Variants in ZC3H12B observed in about 807,000 individuals in gnomAD.
ZC3H12B encodes the protein zinc finger CCCH-type containing 12B.
A neutral mutation model predicts 43.9 loss-of-function variants in ZC3H12B; 7 were observed. The ratio of observed to expected loss-of-function variants is 0.16; its 90% CI spans 0.09 to 0.30. ZC3H12B has a LOEUF of 0.30. Among genes scored for constraint, ZC3H12B ranks in the 10% least tolerant of loss-of-function variants. ZC3H12B has a pLI of 1.00. For missense variants in ZC3H12B, 475 were observed against 670.2 expected, an observed-to-expected ratio of 0.71 and a Z score of 3.22; for synonymous variants, 222 against 241.7, an observed-to-expected ratio of 0.92 and a Z score of 0.76.
At chrX:65,298,494 G>A in the ZC3H12B span, among the ~76,000 whole-genome samples, 1 of 111,342 alleles carries the variant, frequency 9.0e-6, no homozygotes, top group Non-Finnish European at 1.9e-5. Flanking sequence ...AGGATACTAG[G>A]AAAAGACTAG....
intron 3 of ZC3H12B, among the ~76,000 whole-genome samples, chrX:65,444,222 C>T (rs1213463654): frequency 8.9e-6 from 1 of 112,027 alleles, no homozygotes; most frequent in African/African-American, 3.2e-5. Context: ...CATCTTATAA[C>T]CCATTATTTT....
At chrX:65,104,475 C>A in the ZC3H12B span, among the ~76,000 whole-genome samples, 1 of 111,720 alleles carries the variant, frequency 9.0e-6, no homozygotes, top group African/African-American at 3.3e-5. Flanking sequence ...AGTGACCAGA[C>A]AACCTACAGA....
At chrX:65,235,989 C>G in the ZC3H12B span, among the ~76,000 whole-genome samples, 1 of 111,959 alleles carries the variant, frequency 8.9e-6, no homozygotes, top group African/African-American at 3.2e-5. Flanking sequence ...GACCTGAAAG[C>G]ATGCAGTAGT....
chrX:65,297,715 C>T, the ZC3H12B span, among the ~76,000 whole-genome samples: 41 of 111,491 alleles, frequency 3.7e-4, no homozygotes, highest in Non-Finnish European at 6.6e-4. Context: ...AGGAACAAAT[C>T]TGGAGGCATC....
At chrX:65,162,209 T>C in the ZC3H12B span, among the ~76,000 whole-genome samples, 1 of 111,388 alleles carries the variant, frequency 9.0e-6, no homozygotes, top group Non-Finnish European at 1.9e-5. Flanking sequence ...ATTTTTTCCT[T>C]CATTTCATCT....
chrX:65,178,671 CA>C, the ZC3H12B span, among the ~76,000 whole-genome samples: 1 of 112,562 alleles, frequency 8.9e-6, no homozygotes, highest in African/African-American at 3.2e-5. Context: ...AGCTCACCAA[CA>C]CTAGTCATTA....
At chrX:65,134,305 C>T in the ZC3H12B span, among the ~76,000 whole-genome samples, 4 of 111,031 alleles carry the variant, frequency 3.6e-5, no homozygotes, top group African/African-American at 1.3e-4. Flanking sequence ...AGGCAGCTAT[C>T]CCCTCAGTGA....
the ZC3H12B span, among the ~76,000 whole-genome samples, chrX:65,087,064 C>T: frequency 1.8e-5 from 2 of 110,445 alleles, no homozygotes; most frequent in African/African-American, 3.3e-5. Flanking sequence ...GGCTCTGAGT[C>T]TTCTCTTTAG....
the ZC3H12B span, among the ~76,000 whole-genome samples, chrX:65,266,447 G>T: frequency 8.9e-6 from 1 of 111,917 alleles, no homozygotes; most frequent in East Asian, 2.8e-4. Context: ...AAACTCGAGG[G>T]CTCTATTACT....
the ZC3H12B span, among the ~76,000 whole-genome samples, chrX:65,069,853 G>A: frequency 1.6e-3 from 176 of 111,687 alleles, no homozygotes; most frequent in Admixed American, 3.6e-3. Flanking sequence ...CAGTTTGCCT[G>A]TATTTTGTTG....
At chrX:65,443,296 G>T (rs1371781363) in intron 3 of ZC3H12B, among the ~76,000 whole-genome samples, 4 of 110,669 alleles carry the variant, frequency 3.6e-5, no homozygotes, top group Non-Finnish European at 7.6e-5. Flanking sequence ...CATCGCTCCG[G>T]TGCCCCTTCA....
At chrX:65,086,052 T>C in the ZC3H12B span, among the ~76,000 whole-genome samples, 1 of 109,511 alleles carries the variant, frequency 9.1e-6, no homozygotes, top group Non-Finnish European at 1.9e-5. Flanking sequence ...ATGTCTTTTT[T>C]TTTTTTTTTT....
At chrX:65,036,434 A>G in the ZC3H12B span, among the ~76,000 whole-genome samples, 1 of 111,387 alleles carries the variant, frequency 9.0e-6, no homozygotes, top group Non-Finnish European at 1.9e-5. Context: ...TTTTTTTGTA[A>G]ATGCTTTTGA....
intron 3 of ZC3H12B, among the ~76,000 whole-genome samples, chrX:65,435,700 A>AGATG (rs2067213696): frequency 9.0e-6 from 1 of 111,326 alleles, no homozygotes; most frequent in Non-Finnish European, 1.9e-5. Flanking sequence ...ATAGATAGAT[A>AGATG]GACAGTCAGA....
chrX:65,045,838 T>C, the ZC3H12B span, among the ~76,000 whole-genome samples: 1 of 112,164 alleles, frequency 8.9e-6, no homozygotes, highest in Non-Finnish European at 1.9e-5. Flanking sequence ...TCCAAATTAC[T>C]CCTTGATTCA....
chrX:65,051,527 A>G, the ZC3H12B span, among the ~76,000 whole-genome samples: 1 of 111,582 alleles, frequency 9.0e-6, no homozygotes, highest in Non-Finnish European at 1.9e-5. Context: ...AAAAAAATCA[A>G]TGAAAAGGGG....
chrX:65,272,568 T>C, the ZC3H12B span: 3 of 111,963 alleles, frequency 2.7e-5, no homozygotes, highest in Non-Finnish European at 5.6e-5. Context: ...AAAGCAGTTA[T>C]AGTTGTTGTT....
At chrX:65,061,501 C>CT in the ZC3H12B span, among the ~76,000 whole-genome samples, 1 of 112,345 alleles carries the variant, frequency 8.9e-6, no homozygotes, top group Non-Finnish European at 1.9e-5. Flanking sequence ...TGAACTCATT[C>CT]TTTTTTATGA....
At chrX:65,441,607 A>C (rs781426906) in intron 3 of ZC3H12B, among the ~76,000 whole-genome samples, 1 of 112,027 alleles carries the variant, frequency 8.9e-6, no homozygotes, top group African/African-American at 3.2e-5. Context: ...AGATATAACA[A>C]TTTGAATTTC....
Sources: allele counts gnomAD v4.1 joint callset (sites outside exome capture counted in the v4.1 genomes callset), GRCh38; gene constraint gnomAD v4.1.1; transcripts MANE v1.5; gene names NCBI Gene and HGNC (gene_info 2026-07-23, HGNC 2026-07-21).